The following CSMD1 variants were observed in gnomAD, a reference collection of about 807,000 sequenced individuals.
CSMD1 encodes the protein CUB and sushi domain-containing protein 1.
CSMD1 carries 213 observed loss-of-function variants against 417.5 expected under a neutral mutation model. That is an observed-to-expected ratio of 0.51 (90% CI 0.46 to 0.57). The LOEUF (loss-of-function observed/expected upper bound fraction) is 0.57, where lower values mean the gene tolerates loss of function less well. Among genes scored for constraint, CSMD1 ranks in the 20% least tolerant of loss-of-function variants. The probability of loss-of-function intolerance (pLI) is 0.00; values close to 1 mark genes in which losing one functional copy is unlikely to be tolerated. For missense variants in CSMD1, 6,923 were observed against 4,529.7 expected, an observed-to-expected ratio of 1.53 and a Z score of -15.17; for synonymous variants, 2,862 against 1,736.8, an observed-to-expected ratio of 1.65 and a Z score of -16.11.
intron 25 of CSMD1, among the ~76,000 whole-genome samples, chr8:3,294,349 C>G (rs1243403779): frequency 6.6e-6 from 1 of 152,332 alleles, no homozygotes; most frequent in Admixed American, 6.5e-5. Context: ...CTCTTCAAAG[C>G]TGTCAGACAG....
intron 41 of CSMD1, 101 bp downstream of exon 41, chr8:3,142,364 G>C (rs538539201): frequency 3.9e-6 from 4 of 1,036,036 alleles, no homozygotes; most frequent in South Asian, 3.0e-5. Flanking sequence ...TATTCCACTC[G>C]TACAAGCTTG....
At position 3,829,712 on chromosome 8, in the gene CSMD1, G is replaced by A. The variant is rs751003672; in HGVS notation, c.819-75670C>T. On this transcript the variant is annotated intron_variant, in intron 5 of 69. Coordinates refer to ENST00000635120, the MANE Select transcript of CSMD1 (RefSeq NM_033225.6). ...TTGAGAAATATTTGGTTGAAAATCA[G>A]CTTTCTTCCTGTAGCAGTTCTCAAA... 5.9e-5 allele frequency among the ~76,000 whole-genome samples: 9 copies of A among 152,266 alleles called. No homozygotes were observed. In the South Asian group the frequency reaches 1.2e-3, roughly 21 times the overall value.
chr8:4,188,466 G>T (rs1462847645), intron 3 of CSMD1, among the ~76,000 whole-genome samples: 3 of 152,026 alleles, frequency 2.0e-5, no homozygotes, highest in African/African-American at 4.8e-5. Context: ...CTTTATTTTG[G>T]AAAAGGGTCC....
At chr8:4,585,364 G>A (rs1291299797) in intron 2 of CSMD1, among the ~76,000 whole-genome samples, 1 of 151,958 alleles carries the variant, frequency 6.6e-6, no homozygotes, top group Non-Finnish European at 1.5e-5. Flanking sequence ...CTAGAAAAAA[G>A]GTTAATACAC....
chr8:4,950,328 AG>A (rs1808655872), intron 1 of CSMD1, among the ~76,000 whole-genome samples: 1 of 152,074 alleles, frequency 6.6e-6, no homozygotes, highest in Non-Finnish European at 1.5e-5. Context: ...TGACATTTGC[AG>A]TTGTCTTTAA....
intron 6 of CSMD1, among the ~76,000 whole-genome samples, chr8:3,717,421 A>G (rs982504701): frequency 7.7e-6 from 1 of 130,604 alleles, no homozygotes; most frequent in Non-Finnish European, 1.8e-5. Context: ...CTTTTCCATG[A>G]AATGCTTTTT....
At position 3,404,567 on chromosome 8, in the gene CSMD1, T is replaced by G. The variant is rs147941486; in HGVS notation, c.2266+1460A>C. On this transcript the variant is annotated intron_variant, in intron 15 of 69. Coordinates refer to ENST00000635120, the MANE Select transcript of CSMD1 (RefSeq NM_033225.6). ...GAGGTATTTTAGATAGGGCAGAAATTCTCAACTGTTTATGATATTTAACAT... is the reference window on the plus strand; with the variant it reads ...GAGGTATTTTAGATAGGGCAGAAATGCTCAACTGTTTATGATATTTAACAT... Among the ~76,000 whole-genome samples, 6 of 152,262 alleles carry G rather than the reference T, an allele frequency of 3.9e-5. No individual in the cohort carries two copies. The East Asian group carries it at 1.2e-3, about 29-fold the overall frequency.
chr8:4,908,396 T>C (rs1331957483), intron 1 of CSMD1, among the ~76,000 whole-genome samples: 1 of 152,230 alleles, frequency 6.6e-6, no homozygotes, highest in Non-Finnish European at 1.5e-5. Context: ...GTTTAGTGTC[T>C]ATCATTAATT....
intron 4 of CSMD1, among the ~76,000 whole-genome samples, chr8:4,009,548 T>C (rs552866570): frequency 9.2e-5 from 14 of 152,372 alleles, no homozygotes; most frequent in African/African-American, 3.4e-4. Flanking sequence ...TGATGTTAAA[T>C]TTAAAAATGC....
chr8:3,546,114 T>C (rs1302833369), intron 10 of CSMD1, among the ~76,000 whole-genome samples: 1 of 152,170 alleles, frequency 6.6e-6, no homozygotes, highest in African/African-American at 2.4e-5. Flanking sequence ...CAAGAAAATA[T>C]GTTTTGCTGT....
intron 7 of CSMD1, among the ~76,000 whole-genome samples, chr8:3,689,540 C>T (rs1011065121): frequency 6.6e-6 from 1 of 152,154 alleles, no homozygotes; most frequent in Non-Finnish European, 1.5e-5. Context: ...CCCGGAGGAG[C>T]CATTTCCATT....
chr8:3,829,801 C>A (rs751967128), intron 5 of CSMD1, among the ~76,000 whole-genome samples: 1 of 152,108 alleles, frequency 6.6e-6, no homozygotes, highest in African/African-American at 2.4e-5. Flanking sequence ...GGTTTTCCAA[C>A]ACTTCTTTGG....
At chr8:3,292,171 A>G (rs10113561) in intron 25 of CSMD1, among the ~76,000 whole-genome samples, 75,097 of 152,020 alleles carry the variant, frequency 0.49, 20,897 homozygotes, top group South Asian at 0.64. Context: ...TTCTAGTTTG[A>G]TTGCACTGTG....
At chr8:3,796,273 A>C (rs374654235) in intron 5 of CSMD1, among the ~76,000 whole-genome samples, 1,318 of 17,612 alleles carry the variant, frequency 0.075, 249 homozygotes, top group Middle Eastern at 0.31. Flanking sequence ...ATATAGATAT[A>C]TATCTATCAT....
intron 5 of CSMD1, among the ~76,000 whole-genome samples, chr8:3,915,384 C>A (rs901675064): frequency 8.0e-6 from 1 of 125,702 alleles, no homozygotes; most frequent in Admixed American, 9.7e-5. Context: ...CCAGCCTAGG[C>A]GTCACAGTAA....
chr8:4,223,228 G>C (rs911872704), intron 3 of CSMD1, among the ~76,000 whole-genome samples: 1 of 151,912 alleles, frequency 6.6e-6, no homozygotes, highest in African/African-American at 2.4e-5. Context: ...TGAAATCTTT[G>C]CTTCTTGAAC....
intron 25 of CSMD1, among the ~76,000 whole-genome samples, chr8:3,305,781 A>C (rs1804789588): frequency 6.6e-6 from 1 of 152,090 alleles, no homozygotes; most frequent in Non-Finnish European, 1.5e-5. Context: ...CTGGGTTCAC[A>C]CCATTCTCCT....
intron 7 of CSMD1, among the ~76,000 whole-genome samples, chr8:3,678,744 C>G (rs183701503): frequency 7.0e-4 from 107 of 152,162 alleles, no homozygotes; most frequent in African/African-American, 2.5e-3. Flanking sequence ...GTCAGATTCA[C>G]CAAAGCTGAA....
intron 1 of CSMD1, among the ~76,000 whole-genome samples, chr8:4,683,256 A>G (rs533915416): frequency 2.0e-5 from 3 of 152,202 alleles, no homozygotes; most frequent in African/African-American, 7.2e-5. Flanking sequence ...CTTTTCAGAA[A>G]GATATGTTAA....
Sources: gnomAD v4.1 joint callset for allele counts (sites outside exome capture counted in the v4.1 genomes callset) on GRCh38, gnomAD v4.1.1 for gene constraint, MANE v1.5 for transcripts, NCBI Gene and HGNC (gene_info 2026-07-23, HGNC 2026-07-21) for gene names.